MTR: variants seen among roughly 807,000 people sequenced by gnomAD.
MTR encodes 5-methyltetrahydrofolate-homocysteine methyltransferase.
In MTR, 84 loss-of-function variants were observed where a neutral mutation model predicts 154.8. The observed-to-expected ratio is 0.54, with a 90% CI of 0.45 to 0.65. MTR has a LOEUF of 0.65. Ranked by LOEUF, MTR falls within the 30% of genes least tolerant of loss-of-function variation. MTR has a pLI of 0.00. For synonymous variants in MTR, 554 were observed against 553.9 expected (o/e 1.00, Z 0.00); for missense variants, 1,275 against 1,570.2 (o/e 0.81, Z 3.18).
chr1:236,804,953 T>C (rs1660896010), intron 2 of MTR, among the ~76,000 whole-genome samples: 1 of 152,216 alleles, frequency 6.6e-6, no homozygotes, highest in Non-Finnish European at 1.5e-5. Context: ...AATCTTTCCA[T>C]GTCAGTATTT....
rs1661572242 is a variant in MTR at position 236,816,015 on chromosome 1, C to T, written c.669+352C>T. 2.0e-5 allele frequency among the ~76,000 whole-genome samples: 3 copies of T among 152,140 alleles called. No homozygotes were observed. In the South Asian group the frequency reaches 6.2e-4, roughly 31 times the overall value. ...ACCCAACACCTAAGACACCAGACTG[C>T]CAATTTATTAACTCAGTAGGCAGAC... On this transcript the variant is annotated intron_variant, in intron 7 of 32. Transcript: ENST00000366577.
chr1:236,829,247 G>A lies in MTR; in HGVS notation c.1054G>A (p.Glu352Lys), dbSNP rs1281675089. 3 of 1,613,868 alleles carry A rather than the reference G, an allele frequency of 1.9e-6. No homozygotes were observed. The highest frequency in any genetic ancestry group is 1.7e-6 in the Non-Finnish European group (2 of 1,179,902). ...KPRVPPATAF[E>K]GHMLLSGLEP... ...TAGAGTTCCACCTGCCACTGCTTTTGAAGGACATATGTTACTGTCTGGTGA... is the reference window on the plus strand; with the variant it reads ...TAGAGTTCCACCTGCCACTGCTTTTAAAGGACATATGTTACTGTCTGGTGA... The change falls in exon 12 of 33, where the codon GAA becomes AAA. Residue 352 changes from glutamate to lysine, a missense_variant. Physicochemically the swap from Glu to Lys is moderately conservative, Grantham distance 56. Transcript: ENST00000366577.
At chr1:236,810,836 C>G (rs554233831) in intron 5 of MTR, among the ~76,000 whole-genome samples, 1 of 152,244 alleles carries the variant, frequency 6.6e-6, no homozygotes, top group South Asian at 2.1e-4. Context: ...GTTAATGCTG[C>G]TTTGTCAGCT....
chr1:236,853,236 A>G lies in MTR; in HGVS notation c.1953+148A>G, dbSNP rs1664021653. ...AAGATTTCTACAGAGAGTTGCAGAG[A>G]TGGTGGTGTAGCTAGGGCAAGGAAG... is the stretch of plus-strand genomic sequence containing the variant. On this transcript the variant is annotated intron_variant, in intron 18 of 32. Transcript: ENST00000366577. 6.8e-6 allele frequency: 7 copies of G among 1,027,742 alleles called. No homozygotes were observed. In the East Asian group the frequency reaches 1.8e-4, roughly 26 times the overall value. The allele number at this position is 1,027,742 out of a possible 1,614,324, so 63.7% of individuals were successfully genotyped here.
intron 24 of MTR, among the ~76,000 whole-genome samples, chr1:236,875,925 G>C (rs947322041): frequency 7.9e-5 from 12 of 152,180 alleles, no homozygotes; most frequent in Non-Finnish European, 1.6e-4. Context: ...ACACAGGTAA[G>C]TTGATTTTTT....
Position 236,820,789 on chromosome 1 carries a change from T to C in MTR, c.765-3330T>C, listed in dbSNP as rs533087012. ...TACCAGCAGTGAAGGAGAGTTCCTG[T>C]TGTTCCGCATCCTTCCCAACATTTG... On this transcript the variant is annotated intron_variant, in intron 8 of 32. Coordinates refer to ENST00000366577, the MANE Select transcript of MTR (RefSeq NM_000254.3). 2.0e-5 allele frequency among the ~76,000 whole-genome samples: 3 copies of C among 152,338 alleles called. No homozygotes were observed. The South Asian group carries it at 6.2e-4, about 32-fold the overall frequency.
intron 1 of MTR, among the ~76,000 whole-genome samples, chr1:236,802,351 G>A (rs978443285): frequency 3.9e-5 from 6 of 152,118 alleles, no homozygotes; most frequent in African/African-American, 1.4e-4. Flanking sequence ...GGGGCCAGGT[G>A]TTTTTGATAT....
Position 236,806,167 on chromosome 1 carries a change from TATC to T in MTR, c.276_278del (p.Ile93del). 6.2e-7 allele frequency: 1 copy of T among 1,614,176 alleles called. No individual in the cohort carries two copies. The highest frequency in any genetic ancestry group is 8.5e-7 in the Non-Finnish European group (1 of 1,180,008). On this transcript the variant is annotated inframe_deletion, in exon 3 of 33. Coordinates refer to ENST00000366577, the MANE Select transcript of MTR (RefSeq NM_000254.3). ...AGGAATACTTGCTGGCTGGGGCAGA[TATC>T]ATTGAAACAAATACTTTTAGCAGCA...
intron 22 of MTR, among the ~76,000 whole-genome samples, chr1:236,871,234 C>T (rs1665111283): frequency 6.6e-6 from 1 of 152,122 alleles, no homozygotes. Flanking sequence ...GTCCAAGCTT[C>T]AGGTTGTTTG....
chr1:236,837,757 T>C (rs1662992070), intron 14 of MTR, among the ~76,000 whole-genome samples: 1 of 152,152 alleles, frequency 6.6e-6, no homozygotes, highest in South Asian at 2.1e-4. Flanking sequence ...TAATGCAGCC[T>C]AGATCTGTTG....
chr1:236,877,527 G>A (rs770265436), intron 24 of MTR, among the ~76,000 whole-genome samples: 2 of 151,988 alleles, frequency 1.3e-5, no homozygotes, highest in African/African-American at 4.8e-5. Flanking sequence ...TCCTGTGTCC[G>A]GCTTCTTTTG....
intron 9 of MTR, 91 bp downstream of exon 9, chr1:236,824,310 GT>G: frequency 9.0e-7 from 1 of 1,111,658 alleles, no homozygotes; most frequent in Non-Finnish European, 1.4e-6. Flanking sequence ...AAAAGATCTT[GT>G]TTTGCCGGTG....
At chr1:236,818,131 G>T (rs760959150) in intron 8 of MTR, among the ~76,000 whole-genome samples, 1 of 152,088 alleles carries the variant, frequency 6.6e-6, no homozygotes, top group African/African-American at 2.4e-5. Context: ...TTTGTTATGT[G>T]GTTAAGTAAA....
chr1:236,857,929 A>G (rs1464247279), intron 18 of MTR, among the ~76,000 whole-genome samples: 1 of 152,198 alleles, frequency 6.6e-6, no homozygotes, highest in Non-Finnish European at 1.5e-5. Context: ...GGTCCCTGCC[A>G]GGGGAGAGAT....
chr1:236,895,201 A>G (rs993631837), intron 30 of MTR, 157 bp from the exon 31 acceptor site: 4 of 867,668 alleles, frequency 4.6e-6, no homozygotes, highest in Admixed American at 4.1e-5. Flanking sequence ...GTACAAACCA[A>G]TCAAGAATCC....
chr1:236,855,515 C>T (rs1327087587), intron 18 of MTR, among the ~76,000 whole-genome samples: 2 of 152,204 alleles, frequency 1.3e-5, no homozygotes, highest in Middle Eastern at 3.4e-3. Context: ...GTGGAATGAC[C>T]CGGGAGCTTG....
chr1:236,897,263 G>T, intron 32 of MTR, 145 bp downstream of exon 32: 1 of 670,616 alleles, frequency 1.5e-6, no homozygotes. Flanking sequence ...GATTTCAATA[G>T]AATACCTCTA....
At chr1:236,867,529 G>C (rs1408478164) in intron 22 of MTR, among the ~76,000 whole-genome samples, 2 of 152,178 alleles carry the variant, frequency 1.3e-5, no homozygotes. Context: ...TGTGAATCAA[G>C]GAGGAATTTT....
chr1:236,839,258 A>AGC lies in MTR; in HGVS notation c.1515+660_1515+661dup, dbSNP rs537958017. The stretch of plus-strand genomic sequence containing the variant: ...TCCAACCATATACTAAAATAAAGTT[A>AGC]GCTATTTGCAACATGAATAATAGCA... On this transcript the variant is annotated intron_variant, in intron 15 of 32. Coordinates refer to ENST00000366577, the MANE Select transcript of MTR (RefSeq NM_000254.3). Among the ~76,000 whole-genome samples, 323 of 152,362 alleles carry AGC rather than the reference A, an allele frequency of 2.1e-3. 2 individuals are homozygous for AGC. The highest frequency in any genetic ancestry group is 7.4e-3 in the African/African-American group (309 of 41,586).
Sources: allele counts gnomAD v4.1 joint callset (sites outside exome capture counted in the v4.1 genomes callset), GRCh38; gene constraint gnomAD v4.1.1; transcripts MANE v1.5; gene names NCBI Gene and HGNC (gene_info 2026-07-23, HGNC 2026-07-21).